Variants in WFDC1 observed in about 807,000 individuals in gnomAD.
The protein encoded by WFDC1 is WAP four-disulfide core domain 1.
WFDC1 carries 39 observed loss-of-function variants against 32.9 expected under a neutral mutation model. That is an observed-to-expected ratio of 1.19 (90% CI 0.92 to 1.55). The LOEUF (loss-of-function observed/expected upper bound fraction) is 1.55. WFDC1 is among the 40% of genes most tolerant of loss of function. WFDC1 has a pLI of 0.00. For missense variants in WFDC1, 386 were observed against 309.5 expected (o/e 1.25, Z -1.85); for synonymous variants, 184 against 137.4 (o/e 1.34, Z -2.37).
intron 3 of WFDC1, 138 bp from the exon 4 acceptor site, chr16:84,319,293 G>C (rs901858206): frequency 1.7e-6 from 2 of 1,198,080 alleles, no homozygotes; most frequent in East Asian, 2.5e-5. Flanking sequence ...CCTGGAACCT[G>C]GGGTACAGAG....
chr16:84,326,931 C>G lies in WFDC1; in HGVS notation c.654C>G (p.His218Gln). Residue 218 changes from histidine (H) to glutamine (Q), a missense_variant, in exon 6 of 7, where the codon CAC (histidine) becomes CAG (glutamine). By Grantham distance (24) the His-to-Gln change is conservative (BLOSUM62 0). Coordinates refer to ENST00000219454, the MANE Select transcript of WFDC1 (RefSeq NM_021197.4). The part of the protein sequence containing the change: ...VAEPGRGQQK[H>Q]FQ ...AACCTGGAAGGGGACAACAGAAGCA[C>G]TTTCAGTAAAGCAACGGCAAGCAGG... The G allele has an allele frequency of 6.2e-7, 1 of 1,614,076 alleles. No homozygotes were observed. The highest frequency in any genetic ancestry group is 2.2e-5 in the East Asian group (1 of 44,848).
Position 84,313,168 on chromosome 16 carries a change from C to G in WFDC1, c.337+15C>G, listed in dbSNP as rs1386474884. The stretch of plus-strand genomic sequence containing the variant: ...GCCCCCGCCAGGTAGGTCCTGGGCC[C>G]GAGGGAGGGGGCTGAGGGAGGAGGA... On this transcript the variant is annotated intron_variant, in intron 2 of 6. Transcript: ENST00000219454. 5 of 1,406,922 alleles carry G rather than the reference C, an allele frequency of 3.6e-6. No homozygotes were observed. Among genetic ancestry groups the G allele is most frequent in the Non-Finnish European group, 4.6e-6 (5 of 1,088,200 alleles). 87.2% of individuals were successfully genotyped at this position (1,406,922 alleles called of 1,614,324 possible).
In WFDC1 at chr16:84,313,064, G is replaced by T; in HGVS notation, c.248G>T (p.Cys83Phe). The T allele has an allele frequency of 7.1e-7, 1 of 1,412,344 alleles. No individual in the cohort carries two copies. The highest frequency in any genetic ancestry group is 9.2e-7 in the Non-Finnish European group (1 of 1,086,694). The allele number at this position is 1,412,344 out of a possible 1,614,324, so 87.5% of individuals were successfully genotyped here. ...CCCGGCGCCTGCCAGGCCGCGCGCT[G>T]TCAGGCGGACTCCGAGTGCCCGCGG... is the stretch of plus-strand genomic sequence containing the variant. ...LPPGACQAARCQADSECPRHR... is the reference protein window; with the variant it reads ...LPPGACQAARFQADSECPRHR... The change falls in exon 2 of 7, where the codon TGT becomes TTT. Residue 83 changes from cysteine (C) to phenylalanine (F), a missense_variant. Physicochemically the swap from Cys to Phe is radical, Grantham distance 205. Transcript: ENST00000219454.
rs554245818 is a variant in WFDC1 at position 84,310,945 on chromosome 16, A to G, written c.145-2016A>G. Among the ~76,000 whole-genome samples, 6 of 152,298 alleles carry G rather than the reference A, an allele frequency of 3.9e-5. No individual in the cohort carries two copies. The South Asian group carries it at 1.2e-3, about 32-fold the overall frequency. On this transcript the variant is annotated intron_variant, in intron 1 of 6. Transcript: ENST00000219454. ...GGACTTGTGGGGAGGTAAGTAGGTGAAGCATTTTAGATTAAAGGAACAGTT... is the reference window on the plus strand; with the variant it reads ...GGACTTGTGGGGAGGTAAGTAGGTGGAGCATTTTAGATTAAAGGAACAGTT...
chr16:84,322,374 G>A (rs1488771445), intron 4 of WFDC1, among the ~76,000 whole-genome samples: 3 of 152,136 alleles, frequency 2.0e-5, no homozygotes, highest in African/African-American at 4.8e-5. Context: ...AATCTCAGGG[G>A]AAGGGTGGCC....
At chr16:84,311,770 T>G (rs1907642636) in intron 1 of WFDC1, among the ~76,000 whole-genome samples, 1 of 143,114 alleles carries the variant, frequency 7.0e-6, no homozygotes, top group South Asian at 2.3e-4. Context: ...ACTTCTGAGC[T>G]CAAGTGATTC....
At chr16:84,299,117 T>G (rs1310550364) in intron 1 of WFDC1, among the ~76,000 whole-genome samples, 1 of 152,040 alleles carries the variant, frequency 6.6e-6, no homozygotes, top group East Asian at 1.9e-4. Context: ...TCCCAGCACT[T>G]TGGGAGGCCA....
intron 2 of WFDC1, among the ~76,000 whole-genome samples, chr16:84,315,062 C>T (rs753272698): frequency 2.4e-4 from 37 of 152,250 alleles, no homozygotes; most frequent in Non-Finnish European, 5.0e-4. Context: ...AGTTTCCATC[C>T]AGTTGTCTGA....
chr16:84,302,794 C>A (rs1567651442), intron 1 of WFDC1, among the ~76,000 whole-genome samples: 1 of 152,146 alleles, frequency 6.6e-6, no homozygotes, highest in Non-Finnish European at 1.5e-5. Flanking sequence ...TCAGGGCCAA[C>A]GTCTTCTGGT....
chr16:84,305,158 G>T (rs1413558045), intron 1 of WFDC1, among the ~76,000 whole-genome samples: 1 of 152,244 alleles, frequency 6.6e-6, no homozygotes. Context: ...CAGTATGTGA[G>T]GACCCAGCAC....
chr16:84,327,160 A>C, intron 6 of WFDC1: 1 of 580,364 alleles, frequency 1.7e-6, no homozygotes. Flanking sequence ...ACGACATACT[A>C]TATGCACTGT....
intron 1 of WFDC1, among the ~76,000 whole-genome samples, chr16:84,296,388 A>G (rs565074963): frequency 2.8e-4 from 43 of 152,328 alleles, no homozygotes; most frequent in Admixed American, 1.6e-3. Context: ...CGCCTGGTAC[A>G]TTCTTGTGGG....
chr16:84,307,656 A>G (rs1334339447), intron 1 of WFDC1, among the ~76,000 whole-genome samples: 3 of 152,212 alleles, frequency 2.0e-5, no homozygotes, highest in East Asian at 3.9e-4. Context: ...ATTAAATTTC[A>G]TAAATGAGGC....
intron 2 of WFDC1, chr16:84,317,989 G>A (rs754033234): frequency 1.4e-5 from 5 of 345,638 alleles, no homozygotes; most frequent in Admixed American, 7.4e-5. Context: ...AGAGAGCCCC[G>A]ATTGGAGGGT....
chr16:84,327,551 G>A (rs754208778), intron 6 of WFDC1: 1 of 152,200 alleles, frequency 6.6e-6, no homozygotes, highest in Non-Finnish European at 1.5e-5. Flanking sequence ...TTGTTATATA[G>A]TAGGTCATTT....
chr16:84,300,321 G>T (rs1455135695), intron 1 of WFDC1, among the ~76,000 whole-genome samples: 1 of 152,224 alleles, frequency 6.6e-6, no homozygotes, highest in Admixed American at 6.5e-5. Flanking sequence ...CACGAGTGAG[G>T]AGTGTTCCAC....
chr16:84,299,392 A>G (rs1024416690), intron 1 of WFDC1, among the ~76,000 whole-genome samples: 1 of 152,034 alleles, frequency 6.6e-6, no homozygotes, highest in Non-Finnish European at 1.5e-5. Context: ...AAAGCAAAAA[A>G]AAAAAACCAA....
intron 5 of WFDC1, 54 bp from the exon 6 acceptor site, chr16:84,326,828 C>A (rs577333274): frequency 6.2e-7 from 1 of 1,605,850 alleles, no homozygotes. Flanking sequence ...CCACGGGGGG[C>A]ATTAGAGCAG....
chr16:84,324,167 A>G (rs1178461135), intron 4 of WFDC1, among the ~76,000 whole-genome samples: 1 of 151,930 alleles, frequency 6.6e-6, no homozygotes, highest in Non-Finnish European at 1.5e-5. Context: ...TGCTCTCAAG[A>G]CCGCTGTACC....
Sources: gnomAD v4.1 joint callset for allele counts (sites outside exome capture counted in the v4.1 genomes callset) on GRCh38, gnomAD v4.1.1 for gene constraint, MANE v1.5 for transcripts, NCBI Gene and HGNC (gene_info 2026-07-23, HGNC 2026-07-21) for gene names.